The following SIL1 variants were observed in gnomAD, a reference collection of about 807,000 sequenced individuals.
SIL1 encodes the protein nucleotide exchange factor SIL1.
Under a neutral mutation model 49.1 loss-of-function variants are expected in SIL1, and 40 were observed. The ratio of observed to expected loss-of-function variants is 0.81; its 90% confidence interval spans 0.63 to 1.06. SIL1 has a LOEUF of 1.06. Among genes scored for constraint, SIL1 ranks in the 50% least tolerant of loss-of-function variants. The pLI is 0.00. For synonymous variants in SIL1, 253 were observed against 250.8 expected (o/e 1.01, Z -0.08); for missense variants, 500 against 572.6 (o/e 0.87, Z 1.29).
chr5:139,104,702 A>G (rs1770663114), intron 3 of SIL1, among the ~76,000 whole-genome samples: 1 of 152,214 alleles, frequency 6.6e-6, no homozygotes, highest in Non-Finnish European at 1.5e-5. Flanking sequence ...TGAGTGGGTT[A>G]GTAAGACTGC....
intron 7 of SIL1, among the ~76,000 whole-genome samples, chr5:139,001,068 T>C (rs1378043593): frequency 6.6e-6 from 1 of 151,888 alleles, no homozygotes; most frequent in African/African-American, 2.4e-5. Flanking sequence ...ATAATTCCAA[T>C]TGTCTGTGTG....
chr5:138,998,210 C>T (rs1767912668), intron 7 of SIL1, among the ~76,000 whole-genome samples: 1 of 152,110 alleles, frequency 6.6e-6, no homozygotes, highest in Non-Finnish European at 1.5e-5. Flanking sequence ...GGCAGGGTCT[C>T]ACTCTGTTAC....
intron 7 of SIL1, among the ~76,000 whole-genome samples, chr5:138,983,514 AAAAAAAG>A (rs1490230351): frequency 6.6e-6 from 1 of 151,870 alleles, no homozygotes; most frequent in East Asian, 1.9e-4. Context: ...TCTCGAAAAA[AAAAAAAG>A]AAAAAAGAAA....
chr5:139,055,635 C>CCCCTCTCCCTCTCCCCACGGTCT (rs1258918439), intron 3 of SIL1, among the ~76,000 whole-genome samples: 2 of 121,382 alleles, frequency 1.6e-5, no homozygotes, highest in African/African-American at 3.3e-5. Context: ...TCCCCCTCTC[C>CCCCTCTCCCTCTCCCCACGGTCT]CCCTCTCCCT....
chr5:139,076,699 A>G (rs1393779420), intron 3 of SIL1, among the ~76,000 whole-genome samples: 1 of 152,218 alleles, frequency 6.6e-6, no homozygotes, highest in Non-Finnish European at 1.5e-5. Flanking sequence ...GCTCAAATTT[A>G]TAGCCACTTC....
chr5:139,110,099 A>G (rs1770810137), intron 3 of SIL1, among the ~76,000 whole-genome samples: 1 of 151,132 alleles, frequency 6.6e-6, no homozygotes, highest in Non-Finnish European at 1.5e-5. Context: ...AACCCGGCAG[A>G]TGGAGGTTGC....
At chr5:138,961,274 C>G (rs1215290694) in intron 7 of SIL1, among the ~76,000 whole-genome samples, 2 of 152,204 alleles carry the variant, frequency 1.3e-5, no homozygotes, top group African/African-American at 2.4e-5. Context: ...GATGATGTCC[C>G]TAAGTTTCTG....
chr5:139,009,380 G>A (rs1561826522), intron 7 of SIL1, among the ~76,000 whole-genome samples: 3 of 148,554 alleles, frequency 2.0e-5, no homozygotes, highest in Non-Finnish European at 4.4e-5. Flanking sequence ...TGGGTTTCCT[G>A]AACACAGCAC....
intron 7 of SIL1, among the ~76,000 whole-genome samples, chr5:138,983,462 C>T (rs1767578400): frequency 6.6e-6 from 1 of 150,908 alleles, no homozygotes; most frequent in Admixed American, 6.6e-5. Flanking sequence ...GAGCCGAGAT[C>T]GCGCCACTGC....
chr5:139,117,504 T>A (rs1465827078), intron 3 of SIL1, among the ~76,000 whole-genome samples: 1 of 152,128 alleles, frequency 6.6e-6, no homozygotes, highest in Non-Finnish European at 1.5e-5. Flanking sequence ...GTGACCAGCA[T>A]TCTGTAATAC....
chr5:138,982,805 G>A (rs1490558861), intron 7 of SIL1, among the ~76,000 whole-genome samples: 3 of 152,174 alleles, frequency 2.0e-5, no homozygotes, highest in Non-Finnish European at 2.9e-5. Context: ...GGTGGAGGGT[G>A]GCATCAAGCA....
rs747479270 is a variant in SIL1 at position 139,026,812 on chromosome 5, A to G, written c.634T>C (p.Tyr212His). 1.5e-5 allele frequency: 25 copies of G among 1,614,092 alleles called. No homozygotes were observed. Among genetic ancestry groups the G allele is most frequent in the Non-Finnish European group, 2.1e-5 (25 of 1,179,944 alleles). ...KIAALFDLEY[Y>H]VHQMDNAQDL... ...AAGAAATACAGTACCTGATGGACAT[A>G]ATATTCAAGATCAAAGAGCGCAGCA... The change falls in exon 6 of 10, where the codon TAT becomes CAT. Residue 212 changes from tyrosine to histidine, a missense_variant. By Grantham distance (83) the Tyr-to-His change is moderately conservative. Coordinates refer to ENST00000394817, the MANE Select transcript of SIL1 (RefSeq NM_022464.5).
chr5:138,988,711 A>G (rs1031539675), intron 7 of SIL1, among the ~76,000 whole-genome samples: 1 of 152,274 alleles, frequency 6.6e-6, no homozygotes, highest in Admixed American at 6.5e-5. Flanking sequence ...CATCTCTACA[A>G]AAAATTTTTA....
chr5:138,975,417 A>T (rs1426664634), intron 7 of SIL1, among the ~76,000 whole-genome samples: 1 of 152,186 alleles, frequency 6.6e-6, no homozygotes, highest in Non-Finnish European at 1.5e-5. Flanking sequence ...GGAAGGGCAT[A>T]GGCTCAGTGA....
chr5:139,177,395 G>A (rs377580491), intron 1 of SIL1, among the ~76,000 whole-genome samples: 17 of 151,306 alleles, frequency 1.1e-4, no homozygotes, highest in African/African-American at 3.4e-4. Context: ...ACACACCACC[G>A]TGCCTGGCTA....
chr5:139,135,056 C>A (rs1018659415), intron 1 of SIL1, among the ~76,000 whole-genome samples: 1 of 152,098 alleles, frequency 6.6e-6, no homozygotes, highest in African/African-American at 2.4e-5. Flanking sequence ...ATTTGAAGGA[C>A]AAGAAAAACA....
intron 3 of SIL1, among the ~76,000 whole-genome samples, chr5:139,119,324 A>G (rs1243026519): frequency 6.6e-6 from 1 of 152,200 alleles, no homozygotes; most frequent in Non-Finnish European, 1.5e-5. Context: ...GGTCAGAACC[A>G]TCAACATCGT....
At chr5:139,036,373 G>A (rs1396227212) in intron 5 of SIL1, among the ~76,000 whole-genome samples, 2 of 152,138 alleles carry the variant, frequency 1.3e-5, no homozygotes, top group Admixed American at 1.3e-4. Flanking sequence ...TGGCTAGCCA[G>A]TTATCCCAGC....
chr5:139,137,185 A>C (rs1157135228), intron 1 of SIL1: 2 of 576,742 alleles, frequency 3.5e-6, no homozygotes, highest in Non-Finnish European at 6.2e-6. Flanking sequence ...TCAAATAATA[A>C]TTATAGTCAA....
Sources: gnomAD v4.1 joint callset for allele counts (sites outside exome capture counted in the v4.1 genomes callset) on GRCh38, gnomAD v4.1.1 for gene constraint, MANE v1.5 for transcripts, NCBI Gene and HGNC (gene_info 2026-07-23, HGNC 2026-07-21) for gene names.